Variants in GLG1 observed in about 807,000 individuals in gnomAD.
GLG1 encodes the protein Golgi apparatus protein 1.
Under a neutral mutation model 160.5 loss-of-function variants are expected in GLG1, and 38 were observed. The ratio of observed to expected loss-of-function variants is 0.24; its 90% CI spans 0.18 to 0.31. The LOEUF (loss-of-function observed/expected upper bound fraction) is 0.31, where lower values mean the gene tolerates loss of function less well. Ranked by LOEUF, GLG1 falls within the 10% of genes least tolerant of loss-of-function variation. The pLI, the probability that GLG1 is intolerant of heterozygous loss-of-function variation, is 1.00. For missense variants in GLG1, 1,373 were observed against 1,505.2 expected (o/e 0.91, Z 1.45); for synonymous variants, 644 against 543.4 (o/e 1.19, Z -2.57).
intron 19 of GLG1, chr16:74,463,876 C>CT (rs35730836): frequency 0.017 from 2,847 of 169,092 alleles, no homozygotes; most frequent in South Asian, 0.052. Context: ...CGCCTGGCCA[C>CT]TTTTTTTTTT....
At chr16:74,546,701 G>A (rs541557363) in intron 1 of GLG1, among the ~76,000 whole-genome samples, 14 of 151,860 alleles carry the variant, frequency 9.2e-5, no homozygotes, top group African/African-American at 2.9e-4. Context: ...AGCCAGGCGT[G>A]GTGGCAGGCA....
chr16:74,575,540 C>G (rs1037594982), intron 1 of GLG1, among the ~76,000 whole-genome samples: 2 of 152,128 alleles, frequency 1.3e-5, no homozygotes, highest in African/African-American at 2.4e-5. Flanking sequence ...CTCAACCAAA[C>G]CAAACATACA....
intron 2 of GLG1, among the ~76,000 whole-genome samples, chr16:74,516,347 CA>C (rs1291887127): frequency 2.0e-5 from 3 of 151,696 alleles, no homozygotes; most frequent in Non-Finnish European, 2.9e-5. Flanking sequence ...GAAATTGTAA[CA>C]AACTGTCTCT....
At chr16:74,528,970 C>CTTT (rs368741358) in intron 2 of GLG1, among the ~76,000 whole-genome samples, 12 of 139,232 alleles carry the variant, frequency 8.6e-5, no homozygotes, top group African/African-American at 1.3e-4. Flanking sequence ...TTCTGTCTGC[C>CTTT]TTTTTTTTTT....
At chr16:74,603,020 G>A (rs1034062160) in intron 1 of GLG1, among the ~76,000 whole-genome samples, 51 of 151,944 alleles carry the variant, frequency 3.4e-4, no homozygotes, top group Admixed American at 7.9e-4. Context: ...AACCCAGAAG[G>A]CAGAGGTTGC....
At chr16:74,545,829 C>G (rs1025816092) in intron 1 of GLG1, among the ~76,000 whole-genome samples, 2 of 152,186 alleles carry the variant, frequency 1.3e-5, no homozygotes, top group African/African-American at 2.4e-5. Context: ...CCTACCACTT[C>G]CAGTCAATAT....
chr16:74,464,172 C>T (rs1413545120), intron 19 of GLG1, among the ~76,000 whole-genome samples: 1 of 152,122 alleles, frequency 6.6e-6, no homozygotes, highest in Non-Finnish European at 1.5e-5. Flanking sequence ...AGGATTGGTT[C>T]CCTATCTAGA....
chr16:74,578,847 T>A (rs2143812271), intron 1 of GLG1, among the ~76,000 whole-genome samples: 1 of 152,310 alleles, frequency 6.6e-6, no homozygotes, highest in African/African-American at 2.4e-5. Flanking sequence ...TAGGATAAGG[T>A]TTTTGAAATA....
chr16:74,605,903 T>C (rs565309871), intron 1 of GLG1, among the ~76,000 whole-genome samples: 1 of 152,290 alleles, frequency 6.6e-6, no homozygotes, highest in East Asian at 1.9e-4. Context: ...ACCTAGATTA[T>C]AAATTATCAA....
chr16:74,503,392 TTAGGGC>T, intron 4 of GLG1, 133 bp downstream of exon 4: 1 of 660,258 alleles, frequency 1.5e-6, no homozygotes, highest in Non-Finnish European at 2.7e-6. Flanking sequence ...GCCTTAGCTC[TTAGGGC>T]TGTCTGGACA....
intron 6 of GLG1, among the ~76,000 whole-genome samples, chr16:74,494,188 C>CA (rs1035972067): frequency 6.7e-6 from 1 of 150,088 alleles, no homozygotes; most frequent in Non-Finnish European, 1.5e-5. Flanking sequence ...AAAACAAAAA[C>CA]AAAACAAAAC....
chr16:74,473,524 C>G (rs1046791799), intron 13 of GLG1, among the ~76,000 whole-genome samples: 1 of 144,938 alleles, frequency 6.9e-6, no homozygotes, highest in Non-Finnish European at 1.5e-5. Context: ...ACTGGAAGCT[C>G]CGCCTCCCGG....
At chr16:74,536,515 C>T (rs1365246650) in intron 1 of GLG1, among the ~76,000 whole-genome samples, 1 of 152,094 alleles carries the variant, frequency 6.6e-6, no homozygotes, top group African/African-American at 2.4e-5. Flanking sequence ...TCCAGTTATA[C>T]AGTTAAAATA....
chr16:74,470,761 T>A (rs911761608), intron 15 of GLG1, among the ~76,000 whole-genome samples: 1 of 150,746 alleles, frequency 6.6e-6, no homozygotes, highest in Non-Finnish European at 1.5e-5. Flanking sequence ...AAAAATGATT[T>A]TTTTGTTGTT....
chr16:74,497,346 A>G (rs1255186603), intron 4 of GLG1, among the ~76,000 whole-genome samples: 1 of 151,598 alleles, frequency 6.6e-6, no homozygotes, highest in East Asian at 1.9e-4. Flanking sequence ...AGTTCTGGTC[A>G]TAGTTCATGT....
At chr16:74,466,334 C>T (rs979680888) in intron 18 of GLG1, among the ~76,000 whole-genome samples, 8 of 152,168 alleles carry the variant, frequency 5.3e-5, no homozygotes, top group African/African-American at 1.9e-4. Context: ...AGTTATCACT[C>T]AAAATACAAA....
chr16:74,465,563 C>A, intron 19 of GLG1, 113 bp downstream of exon 19: 1 of 1,045,476 alleles, frequency 9.6e-7, no homozygotes, highest in Non-Finnish European at 1.4e-6. Context: ...GCTGCTGCTG[C>A]TCGTCTAGGG....
chr16:74,532,303 G>A, intron 1 of GLG1, 150 bp from the exon 2 acceptor site: 1 of 333,140 alleles, frequency 3.0e-6, no homozygotes, highest in Non-Finnish European at 5.5e-6. Flanking sequence ...AACATAAGGA[G>A]TAAAATGGAG....
chr16:74,493,073 G>C lies in GLG1; in HGVS notation c.1118C>G (p.Ala373Gly). The C allele has an allele frequency of 2.5e-6, 4 of 1,613,484 alleles. No individual in the cohort carries two copies. The highest frequency in any genetic ancestry group is 3.4e-6 in the Non-Finnish European group (4 of 1,179,456). ...AQDYKVSYSL[A>G]KSCKSDLKKY... ...CTTCAAGTCACTTTTACAGGATTTGGCCAATGAATAACTGACTTTATAATC... is the reference window on the plus strand; with the variant it reads ...CTTCAAGTCACTTTTACAGGATTTGCCCAATGAATAACTGACTTTATAATC... Residue 373 changes from alanine (A) to glycine (G), a missense_variant, in exon 7 of 26, where the codon GCC (alanine) becomes GGC (glycine). By Grantham distance (60) the Ala-to-Gly change is moderately conservative. This residue lies in a region of GLG1 where 174 missense variants were observed against 229.9 expected (regional missense o/e 0.76). Transcript: ENST00000422840.
Sources: allele counts gnomAD v4.1 joint callset (sites outside exome capture counted in the v4.1 genomes callset), GRCh38; gene constraint gnomAD v4.1.1; regional missense constraint gnomAD v4.1.1; transcripts MANE v1.5; gene names NCBI Gene and HGNC (gene_info 2026-07-23, HGNC 2026-07-21).